EML5: variants seen among roughly 807,000 people sequenced by gnomAD.
EML5 encodes EMAP like 5.
EML5 carries 120 observed loss-of-function variants against 250.0 expected under a neutral mutation model. That is an observed-to-expected ratio of 0.48 (90% CI 0.41 to 0.56). The LOEUF (loss-of-function observed/expected upper bound fraction) is 0.56. Among genes scored for constraint, EML5 ranks in the 20% least tolerant of loss-of-function variants. The pLI, the probability that EML5 is intolerant of heterozygous loss-of-function variation, is 0.00. For missense variants in EML5, 2,006 were observed against 2,437.6 expected (o/e 0.82, Z 3.73); for synonymous variants, 771 against 806.5 (o/e 0.96, Z 0.75).
intron 29 of EML5, among the ~76,000 whole-genome samples, chr14:88,646,642 A>C (rs925422675): frequency 6.6e-6 from 1 of 152,170 alleles, no homozygotes; most frequent in Non-Finnish European, 1.5e-5. Context: ...AAGATCATTT[A>C]AGCATATTTT....
At chr14:88,644,696 TACA>T (rs2091254073) in intron 29 of EML5, 185 bp from the exon 30 acceptor site, 1 of 499,364 alleles carries the variant, frequency 2.0e-6, no homozygotes, top group African/African-American at 2.0e-5. Context: ...AAGAAAATAT[TACA>T]ACTTTTATTC....
In EML5 at chr14:88,663,105, C is replaced by T. The variant is rs1465459023; in HGVS notation, c.3424G>A (p.Val1142Ile). 2.6e-6 allele frequency: 4 copies of T among 1,540,000 alleles called. No homozygotes were observed. The highest frequency in any genetic ancestry group is 3.5e-6 in the Non-Finnish European group (4 of 1,142,652). Residue 1142 changes from valine (V) to isoleucine (I), a missense_variant, in exon 24 of 44, where the codon GTC becomes ATC. By Grantham distance (29) the Val-to-Ile change is conservative. Around this residue, in one of 7 missense-constraint regions of EML5, gnomAD observed 1,375 missense variants for 1,590.3 expected, o/e 0.86. Coordinates refer to ENST00000554922, the MANE Select transcript of EML5 (RefSeq NM_183387.3). ...DWDIRGKLLQ[V>I]NTGAKEQLFF... ...AATTGTTCCTTAGCACCAGTGTTGA[C>T]CTGTAAAAGCTTTCCTTCAAAAAAA...
intron 3 of EML5, among the ~76,000 whole-genome samples, chr14:88,745,742 C>T (rs1290611084): frequency 6.6e-6 from 1 of 152,062 alleles, no homozygotes; most frequent in Non-Finnish European, 1.5e-5. Flanking sequence ...CTATGTATAT[C>T]AATTATATTT....
At chr14:88,712,620 T>A in intron 9 of EML5, 137 bp from the exon 10 acceptor site, 1 of 619,524 alleles carries the variant, frequency 1.6e-6, no homozygotes, top group Non-Finnish European at 2.7e-6. Context: ...CATAAATAGG[T>A]AGATAAGTTT....
chr14:88,702,545 A>G lies in EML5; in HGVS notation c.2139T>C (p.Tyr713=), dbSNP rs771829669. ...VYHVAAVGVI[Y]NRQQNTQRFY... is the part of the protein sequence containing the mutation. ...AACGCTGTGTGTTTTGCTGTCGATT[A>G]TAAATGACACCCACTGCTGCCACAT... Residue 713 remains tyrosine, a synonymous_variant, in exon 14 of 44, where the codon TAT becomes TAC. Coordinates refer to ENST00000554922, the MANE Select transcript of EML5 (RefSeq NM_183387.3). The G allele has an allele frequency of 4.3e-6, 7 of 1,613,544 alleles. No homozygotes were observed. The highest frequency in any genetic ancestry group is 5.9e-6 in the Non-Finnish European group (7 of 1,179,684).
intron 29 of EML5, among the ~76,000 whole-genome samples, chr14:88,646,028 G>A (rs764015582): frequency 4.0e-5 from 6 of 151,828 alleles, no homozygotes; most frequent in Non-Finnish European, 5.9e-5. Context: ...CTGAATAACC[G>A]GAACATTGAA....
chr14:88,780,033 C>A (rs550233670), intron 1 of EML5, among the ~76,000 whole-genome samples: 26 of 152,014 alleles, frequency 1.7e-4, no homozygotes, highest in Non-Finnish European at 3.2e-4. Context: ...CACTCTGTAA[C>A]CTCCACCTCC....
chr14:88,763,286 G>A lies in EML5; in HGVS notation c.198-8615C>T, dbSNP rs1319192404. ...GACTAATAAAGAAGAAAAGAGAGAA[G>A]AATCAAATAGACACAATAAAAAATG... On this transcript the variant is annotated intron_variant, in intron 1 of 43. Transcript: ENST00000554922. Among the ~76,000 whole-genome samples, 4 of 150,488 alleles carry A rather than the reference G, an allele frequency of 2.7e-5. 1 individual carries two copies. Among genetic ancestry groups the A allele is most frequent in the Admixed American group, 2.0e-4 (3 of 15,078 alleles).
chr14:88,677,906 A>G (rs2092631658), intron 21 of EML5, among the ~76,000 whole-genome samples: 1 of 152,218 alleles, frequency 6.6e-6, no homozygotes, highest in Non-Finnish European at 1.5e-5. Context: ...ACCTAGAACC[A>G]GAAACACCAT....
chr14:88,644,796 T>C, intron 29 of EML5: 2 of 216,204 alleles, frequency 9.3e-6, no homozygotes, highest in Non-Finnish European at 1.8e-5. Flanking sequence ...CTGCAACCTC[T>C]GCCTCCTGGA....
chr14:88,616,109 G>A, intron 43 of EML5, 33 bp downstream of exon 43: 1 of 1,599,376 alleles, frequency 6.3e-7, no homozygotes, highest in Non-Finnish European at 8.6e-7. Flanking sequence ...TAGTAACATA[G>A]TCTGCTCTTC....
intron 33 of EML5, among the ~76,000 whole-genome samples, chr14:88,632,244 C>T (rs1370979063): frequency 7.9e-5 from 12 of 152,146 alleles, no homozygotes; most frequent in Non-Finnish European, 1.6e-4. Context: ...ATATTTGTCT[C>T]GTTCTCTCCA....
rs1293202308 is a variant in EML5, at chr14:88,658,478, AAATT to A, written c.3676-94_3676-91del. ...GATTTTGAATTTTATTAATAATTAA[AAATT>A]AATCATTTCAAGTGCAATGTGTTAA... On this transcript the variant is annotated intron_variant, in intron 25 of 43. Coordinates refer to ENST00000554922, the MANE Select transcript of EML5 (RefSeq NM_183387.3). The A allele has an allele frequency of 5.4e-5, 57 of 1,059,222 alleles. 1 individual carries two copies. The highest frequency in any genetic ancestry group is 7.4e-5 in the Non-Finnish European group (56 of 751,814). 65.6% of individuals were successfully genotyped at this position (1,059,222 alleles called of 1,614,324 possible). A position where few individuals can be genotyped will look rare whatever the true frequency, so the allele number is the denominator to read the frequency against.
intron 7 of EML5, among the ~76,000 whole-genome samples, chr14:88,735,719 T>C (rs1365370032): frequency 6.6e-6 from 1 of 152,188 alleles, no homozygotes; most frequent in Non-Finnish European, 1.5e-5. Context: ...TATAATGATA[T>C]TCACTGCAAG....
chr14:88,739,619 G>A (rs1442119834), intron 5 of EML5, among the ~76,000 whole-genome samples: 1 of 152,112 alleles, frequency 6.6e-6, no homozygotes, highest in Non-Finnish European at 1.5e-5. Context: ...TTTGGGCTGT[G>A]AGAGACTTTT....
At chr14:88,735,593 T>C (rs1021576633) in intron 7 of EML5, among the ~76,000 whole-genome samples, 1 of 152,254 alleles carries the variant, frequency 6.6e-6, no homozygotes, top group Non-Finnish European at 1.5e-5. Context: ...AATAGGTGTA[T>C]AAATTGTTGC....
At chr14:88,647,046 A>G in intron 28 of EML5, 91 bp from the exon 29 acceptor site, 2 of 1,255,594 alleles carry the variant, frequency 1.6e-6, no homozygotes, top group South Asian at 2.7e-5. Flanking sequence ...AAAATATTTT[A>G]ACAAGTTTAA....
chr14:88,774,330 T>A (rs891511281), intron 1 of EML5, among the ~76,000 whole-genome samples: 1 of 152,220 alleles, frequency 6.6e-6, no homozygotes, highest in Non-Finnish European at 1.5e-5. Context: ...GTCATTTTTT[T>A]AATAACCAAG....
rs2094623798 is a variant in EML5, at chr14:88,792,812, C to G, written c.-309G>C. 1.1e-6 allele frequency: 1 copy of G among 924,678 alleles called. No homozygotes were observed. The highest frequency in any genetic ancestry group is 5.0e-5 in the South Asian group (1 of 19,854). The allele number at this position is 924,678 out of a possible 1,614,324, so 57.3% of individuals were successfully genotyped here. A position where few individuals can be genotyped will look rare whatever the true frequency, so the allele number is the denominator to read the frequency against. ...CAGCCCGTAGCGCCTGGGCCGAGAG[C>G]GAGGGCCCGCCTCCAGCTCCTCAGC... On this transcript the variant is annotated 5_prime_UTR_variant, in exon 1 of 44. Coordinates refer to ENST00000554922, the MANE Select transcript of EML5 (RefSeq NM_183387.3). This position sits in a 1 kb window ranked among gnomAD's most constrained non-coding sequence, Gnocchi z 6.9.
Sources: allele counts gnomAD v4.1 joint callset (sites outside exome capture counted in the v4.1 genomes callset), GRCh38; gene constraint gnomAD v4.1.1; regional missense constraint gnomAD v4.1.1; non-coding constraint Gnocchi (gnomAD v3.1); transcripts MANE v1.5; gene names NCBI Gene and HGNC (gene_info 2026-07-23, HGNC 2026-07-21).